The following RAD17 variants were observed in gnomAD, a reference collection of about 807,000 sequenced individuals.
RAD17 encodes RAD17 checkpoint clamp loader component.
In RAD17, 31 loss-of-function variants were observed where a neutral mutation model predicts 81.5. That is an observed-to-expected ratio of 0.38 (90% CI 0.29 to 0.51). RAD17 has a LOEUF of 0.51. Among genes scored for constraint, RAD17 ranks in the 20% least tolerant of loss-of-function variants. RAD17 has a pLI of 0.88. For synonymous variants in RAD17, 261 were observed against 266.2 expected (o/e 0.98, Z 0.19); for missense variants, 681 against 781.2 (o/e 0.87, Z 1.53).
At chr5:69,370,148 A>C (rs1762846568) in intron 1 of RAD17, 1 of 181,050 alleles carries the variant, frequency 5.5e-6, no homozygotes, top group Non-Finnish European at 1.1e-5. Flanking sequence ...CGTTGGACGA[A>C]TATTTGAGCT....
At chr5:69,385,529 C>A (rs1189086599) in intron 8 of RAD17, among the ~76,000 whole-genome samples, 1 of 152,084 alleles carries the variant, frequency 6.6e-6, no homozygotes, top group East Asian at 1.9e-4. Context: ...GCCTTGGCCT[C>A]CCGAGTGCTG....
chr5:69,371,258 A>G (rs1245210829), intron 2 of RAD17, 87 bp downstream of exon 2: 8 of 567,796 alleles, frequency 1.4e-5, no homozygotes, highest in Non-Finnish European at 2.6e-5. Flanking sequence ...CACCACAAGT[A>G]GATTATTTGA....
chr5:69,402,850 CATT>C (rs1462182133), intron 17 of RAD17, among the ~76,000 whole-genome samples: 1 of 152,026 alleles, frequency 6.6e-6, no homozygotes, highest in Non-Finnish European at 1.5e-5. Context: ...CATGATATCC[CATT>C]ATTCTTAAAA....
At chr5:69,398,225 A>G (rs1309861153) in intron 16 of RAD17, among the ~76,000 whole-genome samples, 3 of 152,240 alleles carry the variant, frequency 2.0e-5, no homozygotes, top group Admixed American at 6.5e-5. Flanking sequence ...CAATTTAGCC[A>G]TTCTACCATA....
intron 5 of RAD17, 47 bp downstream of exon 5, chr5:69,374,134 G>A (rs545481963): frequency 1.1e-5 from 17 of 1,499,554 alleles, no homozygotes; most frequent in Admixed American, 8.5e-5. Flanking sequence ...ATTTCAGGGT[G>A]CATAAGGGTA....
At chr5:69,397,934 G>A (rs996722920) in intron 16 of RAD17, among the ~76,000 whole-genome samples, 1 of 152,094 alleles carries the variant, frequency 6.6e-6, no homozygotes, top group South Asian at 2.1e-4. Flanking sequence ...TGGCTAACAC[G>A]ATGAAACCCT....
At position 69,399,951 on chromosome 5, in the gene RAD17, C is replaced by T. The variant is rs756135630; in HGVS notation, c.1573-98C>T. ...ATATAAACCCACAAGTTAATATAAA[C>T]TTATTGTGTAAGTTTATATAATAAA... On this transcript the variant is annotated intron_variant, in intron 16 of 18. Coordinates refer to ENST00000354868, the MANE Select transcript of RAD17 (RefSeq NM_133338.3). 516 of 745,612 alleles carry T rather than the reference C, an allele frequency of 6.9e-4. 1 individual carries two copies. Among genetic ancestry groups the T allele is most frequent in the Non-Finnish European group, 9.6e-4 (487 of 509,922 alleles). The allele number at this position is 745,612 out of a possible 1,614,324, so 46.2% of individuals were successfully genotyped here.
intron 17 of RAD17, among the ~76,000 whole-genome samples, chr5:69,405,757 C>T (rs777459875): frequency 6.7e-6 from 1 of 150,010 alleles, no homozygotes; most frequent in African/African-American, 2.5e-5. Flanking sequence ...AATATGAAGT[C>T]AAGGCCAGGT....
At chr5:69,387,069 C>G (rs953443987) in intron 11 of RAD17, among the ~76,000 whole-genome samples, 3 of 151,876 alleles carry the variant, frequency 2.0e-5, no homozygotes, top group African/African-American at 7.3e-5. Context: ...GGACTACAGG[C>G]TGGTACCACC....
rs764298585 is a variant in RAD17 at position 69,393,178 on chromosome 5, T to A, written c.1213T>A (p.Ser405Thr). ...AGGAGCATCTTTAACAGAATTAGAC[T>A]CACCTCGGTTGCCCTCTCATTTATC... is the stretch of plus-strand genomic sequence containing the variant. ...CKRASLTELD[S>T]PRLPSHLSEY... Residue 405 changes from serine (S) to threonine (T), a missense_variant, in exon 14 of 19, where the codon TCA becomes ACA. Ser to Thr is a moderately conservative substitution (Grantham distance 58). Transcript: ENST00000354868. The A allele has an allele frequency of 4.3e-6, 7 of 1,609,918 alleles. No homozygotes were observed. The East Asian group carries it at 1.6e-4, about 36-fold the overall frequency.
In RAD17 at chr5:69,374,100, A is replaced by T; in HGVS notation, c.267+13A>T. 1 of 1,594,720 alleles carries T rather than the reference A, an allele frequency of 6.3e-7. No individual in the cohort carries two copies. Among genetic ancestry groups the T allele is most frequent in the Non-Finnish European group, 8.5e-7 (1 of 1,169,832 alleles). ...ACCAGAAACTCAGGTACTGAAAAGCATGCAGACATATCTACATAATTTAAT... is the reference window on the plus strand; with the variant it reads ...ACCAGAAACTCAGGTACTGAAAAGCTTGCAGACATATCTACATAATTTAAT... On this transcript the variant is annotated intron_variant, in intron 5 of 18. Transcript: ENST00000354868.
At chr5:69,407,574 T>TTTGTTTTG (rs1765695720) in intron 17 of RAD17, among the ~76,000 whole-genome samples, 1 of 126,308 alleles carries the variant, frequency 7.9e-6, no homozygotes, top group African/African-American at 2.9e-5. Context: ...TTTTTTTTTT[T>TTTGTTTTG]TTTTTTTTTT....
At chr5:69,397,583 G>A (rs2150849725) in intron 16 of RAD17, among the ~76,000 whole-genome samples, 1 of 152,252 alleles carries the variant, frequency 6.6e-6, no homozygotes, top group East Asian at 1.9e-4. Flanking sequence ...GGTCAACATA[G>A]TGAGATCCCA....
intron 18 of RAD17, among the ~76,000 whole-genome samples, chr5:69,412,190 T>C (rs1219323374): frequency 1.3e-5 from 2 of 152,002 alleles, no homozygotes; most frequent in African/African-American, 2.4e-5. Context: ...TCTCCTGACC[T>C]CGTGATCCGC....
intron 7 of RAD17, among the ~76,000 whole-genome samples, chr5:69,383,861 GCTTTAA>G (rs912675885): frequency 6.6e-6 from 1 of 152,142 alleles, no homozygotes; most frequent in Admixed American, 6.5e-5. Flanking sequence ...AGTCTGATAA[GCTTTAA>G]CTTAAACAGT....
At chr5:69,409,900 T>G (rs1380824930) in intron 17 of RAD17, among the ~76,000 whole-genome samples, 1 of 152,236 alleles carries the variant, frequency 6.6e-6, no homozygotes, top group Non-Finnish European at 1.5e-5. Flanking sequence ...CTCTAAATAC[T>G]TCATATAGGT....
intron 17 of RAD17, among the ~76,000 whole-genome samples, chr5:69,406,659 C>A (rs1418267039): frequency 6.6e-6 from 1 of 151,876 alleles, no homozygotes; most frequent in Non-Finnish European, 1.5e-5. Context: ...CGCACCACCA[C>A]ACTTGGCTAA....
At chr5:69,406,131 C>T (rs1765588482) in intron 17 of RAD17, among the ~76,000 whole-genome samples, 1 of 151,764 alleles carries the variant, frequency 6.6e-6, no homozygotes, top group Admixed American at 6.6e-5. Flanking sequence ...TCACAATAAC[C>T]AAGATATAGC....
chr5:69,394,247 G>C (rs1204717039), intron 15 of RAD17, among the ~76,000 whole-genome samples: 6 of 150,520 alleles, frequency 4.0e-5, no homozygotes. Context: ...CTTTGTTTTA[G>C]AGACAGGGTT....
Sources: gnomAD v4.1 joint callset for allele counts (sites outside exome capture counted in the v4.1 genomes callset) on GRCh38, gnomAD v4.1.1 for gene constraint, MANE v1.5 for transcripts, NCBI Gene and HGNC (gene_info 2026-07-23, HGNC 2026-07-21) for gene names.